KLRG1: variants seen among roughly 807,000 people sequenced by gnomAD.
The protein encoded by KLRG1 is killer cell lectin-like receptor subfamily G member 1.
Under a neutral mutation model 21.8 loss-of-function variants are expected in KLRG1, and 16 were observed. That is an observed-to-expected ratio of 0.73 (90% CI 0.50 to 1.11). The LOEUF (loss-of-function observed/expected upper bound fraction) is 1.11, where lower values mean the gene tolerates loss of function less well. Ranked by LOEUF, KLRG1 falls within the 50% of genes most tolerant of loss-of-function variation. The probability of loss-of-function intolerance (pLI) is 0.00; values close to 1 mark genes in which losing one functional copy is unlikely to be tolerated. For synonymous variants in KLRG1, 69 were observed against 75.9 expected (o/e 0.91, Z 0.47); for missense variants, 173 against 218.3 (o/e 0.79, Z 1.31).
the KLRG1 span, among the ~76,000 whole-genome samples, chr12:9,041,089 A>G: frequency 6.6e-6 from 1 of 152,194 alleles, no homozygotes; most frequent in Admixed American, 6.5e-5. Context: ...TAATCTTAGC[A>G]CTTTGGGAGG....
chr12:9,095,140 T>A, the KLRG1 span: 1 of 888,094 alleles, frequency 1.1e-6, no homozygotes, highest in Non-Finnish European at 1.7e-6. Context: ...TATACATAGG[T>A]AGCTACTTCT....
chr12:9,132,105 A>G, the KLRG1 span, among the ~76,000 whole-genome samples: 2 of 152,208 alleles, frequency 1.3e-5, no homozygotes, highest in South Asian at 2.1e-4. Flanking sequence ...TAATATTTCA[A>G]TGACCATCTT....
chr12:8,957,773 G>A (rs893851662), intron 1 of KLRG1, among the ~76,000 whole-genome samples: 1 of 152,152 alleles, frequency 6.6e-6, no homozygotes, highest in African/African-American at 2.4e-5. Flanking sequence ...CTGGATGAAG[G>A]GGTGATTTAT....
chr12:9,004,481 A>G (rs959249774), intron 3 of KLRG1, among the ~76,000 whole-genome samples: 3 of 152,096 alleles, frequency 2.0e-5, no homozygotes, highest in African/African-American at 7.2e-5. Context: ...ATAATTTTTT[A>G]AAAAAGAGAT....
the KLRG1 span, chr12:9,079,273 C>T: frequency 2.0e-5 from 33 of 1,613,674 alleles, no homozygotes; most frequent in Admixed American, 4.2e-4. Flanking sequence ...TGCCATATCG[C>T]TCCCCAAAGG....
At chr12:9,170,175 G>C in the KLRG1 span, 1 of 152,218 alleles carries the variant, frequency 6.6e-6, no homozygotes, top group Non-Finnish European at 1.5e-5. The surrounding 1 kb of genome is among the most constrained non-coding windows in gnomAD (Gnocchi z 4.6). Flanking sequence ...GGGCGGAGGT[G>C]GGGGAGGGCA....
chr12:8,969,012 T>C (rs1280804011), intron 1 of KLRG1, among the ~76,000 whole-genome samples: 1 of 152,192 alleles, frequency 6.6e-6, no homozygotes, highest in African/African-American at 2.4e-5. Flanking sequence ...GCATTATTAT[T>C]TTTTATTTCC....
At chr12:9,169,474 C>T in the KLRG1 span, 1 of 1,612,320 alleles carries the variant, frequency 6.2e-7, no homozygotes, top group Non-Finnish European at 8.5e-7. Context: ...GATAAGGGAA[C>T]ATAGATGGCT....
At chr12:9,157,159 T>A in the KLRG1 span, 1 of 1,608,492 alleles carries the variant, frequency 6.2e-7, no homozygotes, top group East Asian at 2.2e-5. Flanking sequence ...CAGCTCCCAC[T>A]TATAAGTGCT....
the KLRG1 span, chr12:9,167,649 T>C: frequency 6.6e-6 from 1 of 152,238 alleles, no homozygotes; most frequent in South Asian, 2.1e-4. Context: ...TCAGTTTTCT[T>C]AGCTCTTTTA....
chr12:9,162,417 C>A, the KLRG1 span: 1 of 579,846 alleles, frequency 1.7e-6, no homozygotes, highest in Non-Finnish European at 3.0e-6. Flanking sequence ...GTCACATTAA[C>A]TTGCTCTCTT....
the KLRG1 span, chr12:9,201,467 A>T: frequency 1.4e-6 from 1 of 719,926 alleles, no homozygotes. Context: ...TCAACAAGAA[A>T]CATAACAGAA....
intron 1 of KLRG1, among the ~76,000 whole-genome samples, chr12:8,967,810 A>C (rs945158400): frequency 5.9e-5 from 9 of 152,198 alleles, no homozygotes; most frequent in Non-Finnish European, 1.2e-4. Context: ...GGCCAGGGAA[A>C]GGGAGATGGG....
At chr12:9,121,738 G>A in the KLRG1 span, among the ~76,000 whole-genome samples, 1 of 152,094 alleles carries the variant, frequency 6.6e-6, no homozygotes, top group African/African-American at 2.4e-5. The surrounding 1 kb of genome is among the most constrained non-coding windows in gnomAD (Gnocchi z 4.4). Context: ...GAATTCAATG[G>A]CTGTCCTAAC....
upstream of KLRG1, chr12:8,988,339 C>A (rs1946879755): frequency 6.6e-6 from 1 of 152,234 alleles, no homozygotes; most frequent in Non-Finnish European, 1.5e-5. Context: ...GATCACAATG[C>A]TGCCTGTGTG....
At chr12:9,169,473 A>G in the KLRG1 span, 2 of 1,612,146 alleles carry the variant, frequency 1.2e-6, no homozygotes, top group Non-Finnish European at 1.7e-6. Flanking sequence ...TGATAAGGGA[A>G]CATAGATGGC....
At chr12:9,068,257 A>G in the KLRG1 span, 1 of 1,597,290 alleles carries the variant, frequency 6.3e-7, no homozygotes, top group Non-Finnish European at 8.5e-7. Flanking sequence ...AAAACCAGAA[A>G]TCATTACATG....
At chr12:8,966,446 A>C (rs1946473820) in intron 1 of KLRG1, among the ~76,000 whole-genome samples, 1 of 152,044 alleles carries the variant, frequency 6.6e-6, no homozygotes, top group Non-Finnish European at 1.5e-5. Flanking sequence ...TCATCTGACA[A>C]AGGGCTAATA....
chr12:9,094,779 C>G, the KLRG1 span, among the ~76,000 whole-genome samples: 1 of 152,098 alleles, frequency 6.6e-6, no homozygotes, highest in Admixed American at 6.5e-5. Context: ...TTTCTCTTTC[C>G]TTTCAGCCTA....
Sources: gnomAD v4.1 joint callset for allele counts (sites outside exome capture counted in the v4.1 genomes callset) on GRCh38, gnomAD v4.1.1 for gene constraint, Gnocchi (gnomAD v3.1) non-coding constraint, MANE v1.5 for transcripts, NCBI Gene and HGNC (gene_info 2026-07-23, HGNC 2026-07-21) for gene names.